Variants in TUSC3 observed in about 807,000 individuals in gnomAD.
The protein encoded by TUSC3 is tumor suppressor candidate 3, also known as dolichyl-diphosphooligosaccharide--protein glycosyltransferase subunit TUSC3.
In TUSC3, 45 loss-of-function variants were observed where a neutral mutation model predicts 44.8. The ratio of observed to expected loss-of-function variants is 1.00; its 90% CI spans 0.79 to 1.29. TUSC3 has a LOEUF of 1.29. Ranked by LOEUF, TUSC3 falls within the 50% of genes most tolerant of loss-of-function variation. TUSC3 has a pLI of 0.00. For missense variants in TUSC3, 519 were observed against 437.9 expected (o/e 1.19, Z -1.65); for synonymous variants, 212 against 152.9 (o/e 1.39, Z -2.85).
intron 5 of TUSC3, among the ~76,000 whole-genome samples, chr8:15,668,602 G>A (rs538561137): frequency 1.3e-5 from 2 of 151,818 alleles, no homozygotes; most frequent in South Asian, 2.1e-4. Flanking sequence ...ATGAACATAT[G>A]TCCAAAATCT....
chr8:15,771,704 T>C, the TUSC3 span, among the ~76,000 whole-genome samples: 1 of 151,452 alleles, frequency 6.6e-6, no homozygotes, highest in East Asian at 1.9e-4. Context: ...TGAAGACAAA[T>C]GAAAACAAAA....
At chr8:15,766,969 A>G (rs1158338675), downstream of TUSC3, among the ~76,000 whole-genome samples, 1 of 152,104 alleles carries the variant, frequency 6.6e-6, no homozygotes, top group Non-Finnish European at 1.5e-5. Context: ...TGAAGACTCA[A>G]TGTTCTCAAA....
At chr8:15,531,354 C>T (rs112835703) in intron 2 of TUSC3, among the ~76,000 whole-genome samples, 5 of 152,234 alleles carry the variant, frequency 3.3e-5, no homozygotes, top group South Asian at 2.1e-4. Context: ...TGGGTTAAAG[C>T]GATTCTCCTG....
At position 15,662,198 on chromosome 8, in the gene TUSC3, T is replaced by C. The variant is rs781034158; in HGVS notation, c.610T>C (p.Leu204=). 6.2e-6 allele frequency: 10 copies of C among 1,613,078 alleles called. No individual in the cohort carries two copies. Among genetic ancestry groups the C allele is most frequent in the African/African-American group, 5.3e-5 (4 of 74,858 alleles). The part of the protein sequence containing the change: ...RPPNYSGTIA[L]ALLVSLVGGL... ...ACCCAACTACTCTGGTACCATTGCTTTGGCCCTGTTAGTGTCGCTTGTTGG... is the reference window on the plus strand; with the variant it reads ...ACCCAACTACTCTGGTACCATTGCTCTGGCCCTGTTAGTGTCGCTTGTTGG... The change falls in exon 5 of 11, where the codon TTG becomes CTG. Residue 204 remains leucine (L), a synonymous_variant. Transcript: ENST00000503731.
chr8:15,793,472 TCAC>T, the TUSC3 span, among the ~76,000 whole-genome samples: 3 of 150,992 alleles, frequency 2.0e-5, no homozygotes, highest in Non-Finnish European at 4.4e-5. Context: ...TCTACACAGC[TCAC>T]CACTGACCTC....
At chr8:15,647,379 C>T (rs1475151860) in intron 2 of TUSC3, among the ~76,000 whole-genome samples, 1 of 152,092 alleles carries the variant, frequency 6.6e-6, no homozygotes, top group East Asian at 1.9e-4. Flanking sequence ...TGAACCTTGT[C>T]TCTTATGTTC....
At chr8:15,821,028 T>C in the TUSC3 span, among the ~76,000 whole-genome samples, 4 of 152,326 alleles carry the variant, frequency 2.6e-5, no homozygotes, top group Non-Finnish European at 4.4e-5. Flanking sequence ...TCTGACATTA[T>C]TTCTCTTCAA....
chr8:15,604,793 C>T (rs1204574093), intron 1 of TUSC3, among the ~76,000 whole-genome samples: 27 of 141,430 alleles, frequency 1.9e-4, no homozygotes, highest in Admixed American at 1.6e-3. Flanking sequence ...AACTTAATAG[C>T]CCTACATTTT....
chr8:15,553,448 A>C (rs187731640), intron 1 of TUSC3, among the ~76,000 whole-genome samples: 65 of 150,214 alleles, frequency 4.3e-4, no homozygotes, highest in African/African-American at 1.5e-3. Flanking sequence ...CAGGAGGAGA[A>C]TGTTCCAAGG....
chr8:15,554,392 G>T (rs1802164424), intron 1 of TUSC3, among the ~76,000 whole-genome samples: 1 of 151,454 alleles, frequency 6.6e-6, no homozygotes, highest in Admixed American at 6.6e-5. Context: ...TTCCTGTCTT[G>T]TGCTGACTGG....
chr8:15,767,388 A>G (rs1363989806), downstream of TUSC3, among the ~76,000 whole-genome samples: 1 of 151,946 alleles, frequency 6.6e-6, no homozygotes, highest in Non-Finnish European at 1.5e-5. Flanking sequence ...GTCAGGAAAA[A>G]TGACAGCAAG....
At chr8:15,669,493 CA>C (rs1807845210) in intron 5 of TUSC3, among the ~76,000 whole-genome samples, 1 of 151,376 alleles carries the variant, frequency 6.6e-6, no homozygotes, top group Non-Finnish European at 1.5e-5. Context: ...TTATTCTAAA[CA>C]AAAAAATTAC....
intron 2 of TUSC3, among the ~76,000 whole-genome samples, chr8:15,501,363 C>T (rs535645404): frequency 5.9e-5 from 9 of 152,140 alleles, no homozygotes; most frequent in Admixed American, 1.3e-4. Context: ...GTCTTTGATG[C>T]ACACATGGTA....
chr8:15,446,544 G>A (rs1041360339), intron 1 of TUSC3, among the ~76,000 whole-genome samples: 76 of 152,126 alleles, frequency 5.0e-4, no homozygotes, highest in South Asian at 6.2e-4. Flanking sequence ...CGGCCAACAC[G>A]GCGAAACCCC....
At chr8:15,486,397 TTTTGG>T (rs1369016409) in intron 2 of TUSC3, among the ~76,000 whole-genome samples, 4 of 152,158 alleles carry the variant, frequency 2.6e-5, no homozygotes, top group African/African-American at 7.2e-5. Flanking sequence ...TTTAATATTA[TTTTGG>T]TTTGATCATT....
At chr8:15,485,207 C>G (rs374389519) in intron 2 of TUSC3, among the ~76,000 whole-genome samples, 1 of 152,172 alleles carries the variant, frequency 6.6e-6, no homozygotes, top group Non-Finnish European at 1.5e-5. Context: ...CACCAAGTTC[C>G]TCTGGCTGCA....
the TUSC3 span, among the ~76,000 whole-genome samples, chr8:15,795,221 C>A: frequency 1.2e-4 from 18 of 152,108 alleles, no homozygotes; most frequent in Non-Finnish European, 2.4e-4. Flanking sequence ...TCACTTCACC[C>A]AAGGCATTAA....
At chr8:15,443,433 G>A (rs1011221032) in intron 1 of TUSC3, among the ~76,000 whole-genome samples, 11 of 151,502 alleles carry the variant, frequency 7.3e-5, no homozygotes, top group Non-Finnish European at 1.0e-4. Flanking sequence ...TTCTGGGCTC[G>A]AGTGATCTGC....
chr8:15,637,812 C>T (rs1470173545), intron 2 of TUSC3, among the ~76,000 whole-genome samples: 1 of 152,060 alleles, frequency 6.6e-6, no homozygotes, highest in Non-Finnish European at 1.5e-5. Context: ...TTATTTTTCT[C>T]CCCCGCTCAC....
Sources: allele counts gnomAD v4.1 joint callset (sites outside exome capture counted in the v4.1 genomes callset), GRCh38; gene constraint gnomAD v4.1.1; transcripts MANE v1.5; gene names NCBI Gene and HGNC (gene_info 2026-07-23, HGNC 2026-07-21).